ATRNL1: variants seen among roughly 807,000 people sequenced by gnomAD.
The protein encoded by ATRNL1 is attractin-like protein 1.
A neutral mutation model predicts 182.7 loss-of-function variants in ATRNL1; 95 were observed. The observed-to-expected ratio is 0.52, with a 90% confidence interval of 0.44 to 0.62. ATRNL1 has a LOEUF of 0.62. ATRNL1 is among the 20% of genes least tolerant of loss of function. The probability of loss-of-function intolerance (pLI) is 0.00; values close to 1 mark genes in which losing one functional copy is unlikely to be tolerated. For synonymous variants in ATRNL1, 576 were observed against 568.3 expected (o/e 1.01, Z -0.19); for missense variants, 1,471 against 1,679.5 (o/e 0.88, Z 2.17).
intron 7 of ATRNL1, among the ~76,000 whole-genome samples, 190 bp downstream of exon 7, chr10:115,165,835 A>T (rs1847015506): frequency 6.6e-6 from 1 of 152,100 alleles, no homozygotes; most frequent in Admixed American, 6.6e-5. Flanking sequence ...ACAATCCCCC[A>T]CATGACATGT....
chr10:115,573,250 G>T (rs538875443), intron 26 of ATRNL1, among the ~76,000 whole-genome samples: 1 of 152,100 alleles, frequency 6.6e-6, no homozygotes, highest in Non-Finnish European at 1.5e-5. Context: ...GGTGATCTTC[G>T]TCTGGAGTTG....
At chr10:115,487,208 C>T (rs1592726298) in intron 24 of ATRNL1, among the ~76,000 whole-genome samples, 1 of 152,118 alleles carries the variant, frequency 6.6e-6, no homozygotes, top group East Asian at 1.9e-4. Context: ...TTAGGACTAT[C>T]TGGGATATGC....
intron 8 of ATRNL1, among the ~76,000 whole-genome samples, chr10:115,197,738 C>A (rs1340986031): frequency 6.6e-6 from 1 of 152,102 alleles, no homozygotes. Flanking sequence ...AGTTGGCTCC[C>A]CCTAAACACA....
chr10:115,226,897 C>T (rs1006050350), intron 9 of ATRNL1, among the ~76,000 whole-genome samples: 2 of 152,072 alleles, frequency 1.3e-5, no homozygotes, highest in Non-Finnish European at 2.9e-5. Context: ...GAAGCTGGAC[C>T]CCTACCTTTC....
intron 26 of ATRNL1, among the ~76,000 whole-genome samples, chr10:115,617,328 T>C (rs1166238033): frequency 6.6e-6 from 1 of 152,090 alleles, no homozygotes. Flanking sequence ...TATAACCCCT[T>C]TGTGTCTTGG....
intron 28 of ATRNL1, among the ~76,000 whole-genome samples, chr10:115,853,364 A>G (rs569614988): frequency 6.6e-6 from 1 of 152,306 alleles, no homozygotes; most frequent in South Asian, 2.1e-4. Flanking sequence ...TAGTGCCCCT[A>G]TTTTAGAATT....
intron 6 of ATRNL1, among the ~76,000 whole-genome samples, chr10:115,164,862 A>G (rs1762878579): frequency 6.6e-6 from 1 of 152,100 alleles, no homozygotes; most frequent in Admixed American, 6.6e-5. Flanking sequence ...TTGGTTAATG[A>G]GTGCCAAAAA....
intron 13 of ATRNL1, among the ~76,000 whole-genome samples, chr10:115,271,129 G>C (rs1851841881): frequency 6.7e-6 from 1 of 149,800 alleles, no homozygotes; most frequent in Non-Finnish European, 1.5e-5. Flanking sequence ...TATGTTACAT[G>C]ATGAGGGAAT....
At position 115,549,546 on chromosome 10, in the gene ATRNL1, ATAT is replaced by A; in HGVS notation, c.3795+15_3795+17del. 5 of 1,557,686 alleles carry A rather than the reference ATAT, an allele frequency of 3.2e-6. No individual in the cohort carries two copies. The highest frequency in any genetic ancestry group is 4.4e-6 in the Non-Finnish European group (5 of 1,146,022). ...TTCTCGACGGAGAGAGGTATCAGTA[ATAT>A]TATTTAATCTTTTGTTTAAAGATTT... is the stretch of plus-strand genomic sequence containing the variant. On this transcript the variant is annotated intron_variant, in intron 26 of 28. Transcript: ENST00000355044.
intron 26 of ATRNL1, among the ~76,000 whole-genome samples, chr10:115,587,020 G>C (rs1270844067): frequency 6.7e-6 from 1 of 148,550 alleles, no homozygotes; most frequent in Non-Finnish European, 1.5e-5. Flanking sequence ...GCCGTGTGAG[G>C]TGTCAGTCTG....
At chr10:115,214,309 AATAT>A (rs3086142) in intron 8 of ATRNL1, among the ~76,000 whole-genome samples, 4,126 of 148,624 alleles carry the variant, frequency 0.028, 176 homozygotes, top group African/African-American at 0.095. Flanking sequence ...TTTTAGTTCA[AATAT>A]ATATATATAT....
chr10:115,593,664 A>G (rs964878679), intron 26 of ATRNL1, among the ~76,000 whole-genome samples: 2 of 152,158 alleles, frequency 1.3e-5, no homozygotes, highest in South Asian at 4.2e-4. Flanking sequence ...GTATTTTTCC[A>G]ATTAAAACTA....
At chr10:115,205,994 T>C (rs1484986728) in intron 8 of ATRNL1, among the ~76,000 whole-genome samples, 5 of 152,128 alleles carry the variant, frequency 3.3e-5, no homozygotes, top group Non-Finnish European at 7.4e-5. Flanking sequence ...GCATTTCTTT[T>C]AGAGCAGCTC....
At chr10:115,410,912 A>G (rs2134338771) in intron 20 of ATRNL1, among the ~76,000 whole-genome samples, 1 of 151,602 alleles carries the variant, frequency 6.6e-6, no homozygotes, top group Non-Finnish European at 1.5e-5. Context: ...TAATTTTTGT[A>G]TGTTTAGTAG....
rs35718680 is a variant in ATRNL1, at chr10:115,597,230, T to C, written c.3795+47694T>C. ...TGGTTACCAAAATGATTTGAGGCTCTAGTGAATCATGTAAGTTCCATAACA... is the reference window on the plus strand; with the variant it reads ...TGGTTACCAAAATGATTTGAGGCTCCAGTGAATCATGTAAGTTCCATAACA... On this transcript the variant is annotated intron_variant, in intron 26 of 28. Transcript: ENST00000355044. Among the ~76,000 whole-genome samples the C allele has an allele frequency of 4.4e-3, 671 of 152,298 alleles. 3 individuals carry two copies. Among genetic ancestry groups the C allele is most frequent in the Non-Finnish European group, 6.5e-3 (442 of 68,006 alleles).
At chr10:115,438,048 C>A (rs1846487456) in intron 21 of ATRNL1, among the ~76,000 whole-genome samples, 1 of 151,966 alleles carries the variant, frequency 6.6e-6, no homozygotes, top group Admixed American at 6.6e-5. Flanking sequence ...GCAATATTAA[C>A]TGAATCATTA....
chr10:115,352,390 A>G (rs983999433), intron 19 of ATRNL1, among the ~76,000 whole-genome samples: 2 of 152,038 alleles, frequency 1.3e-5, no homozygotes, highest in South Asian at 2.1e-4. Context: ...AAGATGCACT[A>G]TTAAGTGTTC....
chr10:115,423,243 G>A (rs1469759388), intron 20 of ATRNL1, among the ~76,000 whole-genome samples: 3 of 151,964 alleles, frequency 2.0e-5, no homozygotes, highest in African/African-American at 7.2e-5. Flanking sequence ...AACATTAAAA[G>A]GTAAAAATTG....
intron 28 of ATRNL1, among the ~76,000 whole-genome samples, chr10:115,942,299 C>T (rs1408719439): frequency 5.3e-5 from 8 of 152,218 alleles, no homozygotes; most frequent in Admixed American, 5.2e-4. Flanking sequence ...GTCTGCTGGC[C>T]GTACTTCCTG....
Sources: allele counts gnomAD v4.1 joint callset (sites outside exome capture counted in the v4.1 genomes callset), GRCh38; gene constraint gnomAD v4.1.1; transcripts MANE v1.5; gene names NCBI Gene and HGNC (gene_info 2026-07-23, HGNC 2026-07-21).